The following FNDC7 variants were observed in gnomAD, a reference collection of about 807,000 sequenced individuals.
FNDC7 encodes the protein fibronectin type III domain-containing protein 7.
In FNDC7, 66 loss-of-function variants were observed where a neutral mutation model predicts 74.2. That is an observed-to-expected ratio of 0.89 (90% CI 0.73 to 1.09). FNDC7 has a LOEUF of 1.09. Among genes scored for constraint, FNDC7 ranks in the 50% least tolerant of loss-of-function variants. The pLI, the probability that FNDC7 is intolerant of heterozygous loss-of-function variation, is 0.00. For missense variants in FNDC7, 829 were observed against 893.4 expected, an observed-to-expected ratio of 0.93 and a Z score of 0.92; for synonymous variants, 307 against 330.2, an observed-to-expected ratio of 0.93 and a Z score of 0.76.
chr1:108,713,676 C>A, intron 2 of FNDC7, 147 bp downstream of exon 2: 1 of 656,026 alleles, frequency 1.5e-6, no homozygotes, highest in Non-Finnish European at 2.6e-6. Context: ...GCTAAGCACT[C>A]TATTGGGTCC....
At chr1:108,741,677 C>A in intron 11 of FNDC7, 96 bp from the exon 12 acceptor site, 4 of 1,264,546 alleles carry the variant, frequency 3.2e-6, no homozygotes, top group Admixed American at 1.9e-5. Context: ...CATTTCAAAT[C>A]AACATACACA....
At position 108,727,963 on chromosome 1, in the gene FNDC7, C is replaced by G. The variant is rs778483561; in HGVS notation, c.1267C>G (p.Leu423Val). The part of the protein sequence containing the change: ...ECNDTTPACT[L>V]SALECDTKYN... ...CAATGACACTACTCCTGCGTGCACC[C>G]TTTCGGCTCTAGAGTGTGACACCAA... is the stretch of plus-strand genomic sequence containing the variant. The change falls in exon 7 of 13, where the codon CTT (leucine) becomes GTT (valine). Residue 423 changes from leucine to valine, a missense_variant. Leu to Val is a conservative substitution (Grantham distance 32). Coordinates refer to ENST00000370017, the MANE Select transcript of FNDC7 (RefSeq NM_001144937.3). The G allele has an allele frequency of 7.4e-6, 12 of 1,614,068 alleles. No individual in the cohort carries two copies. The East Asian group carries it at 1.8e-4, about 24-fold the overall frequency.
At chr1:108,714,599 A>G (rs1451425843) in intron 2 of FNDC7, among the ~76,000 whole-genome samples, 1 of 131,036 alleles carries the variant, frequency 7.6e-6, no homozygotes, top group Non-Finnish European at 1.6e-5. Flanking sequence ...CCATATACAA[A>G]GTGGCATTTT....
chr1:108,724,408 A>G (rs962853751), intron 5 of FNDC7, among the ~76,000 whole-genome samples: 2 of 151,912 alleles, frequency 1.3e-5, no homozygotes, highest in Admixed American at 1.3e-4. Context: ...TGGAGGATGT[A>G]ATGGGCATAA....
intron 5 of FNDC7, among the ~76,000 whole-genome samples, chr1:108,725,088 A>T (rs1661179706): frequency 6.6e-6 from 1 of 151,944 alleles, no homozygotes; most frequent in Non-Finnish European, 1.5e-5. Flanking sequence ...CTCAAAAAAA[A>T]TAATAAATAA....
chr1:108,721,576 G>A (rs192511440), intron 4 of FNDC7, among the ~76,000 whole-genome samples: 5 of 152,286 alleles, frequency 3.3e-5, no homozygotes, highest in Middle Eastern at 3.4e-3. Context: ...CTGCTGCGTG[G>A]GCGTTATTAC....
intron 6 of FNDC7, 53 bp from the exon 7 acceptor site, chr1:108,727,755 C>T (rs966634787): frequency 1.9e-6 from 3 of 1,595,440 alleles, no homozygotes; most frequent in Admixed American, 3.4e-5. Context: ...AGTGTACCCC[C>T]AGCTGCATTG....
At chr1:108,731,000 C>T in intron 9 of FNDC7, 72 bp downstream of exon 9, 1 of 1,449,470 alleles carries the variant, frequency 6.9e-7, no homozygotes, top group African/African-American at 1.4e-5. Flanking sequence ...GCCTTTCCTC[C>T]TCATTTAAAA....
Position 108,733,257 on chromosome 1 carries a change from AT to A in FNDC7, c.1880-10del. 6.3e-7 allele frequency: 1 copy of A among 1,595,728 alleles called. No homozygotes were observed. Among genetic ancestry groups the A allele is most frequent in the Non-Finnish European group, 8.6e-7 (1 of 1,166,024 alleles). On this transcript the variant is annotated splice_polypyrimidine_tract_variant and intron_variant, in intron 9 of 12. Coordinates refer to ENST00000370017, the MANE Select transcript of FNDC7 (RefSeq NM_001144937.3). Reference sequence around the variant, plus strand: ...TAAAACAAGTGATTTTGTGTTTGTTATTTTTATTGCCTAGGTGCCTGCTGCC... The same window carrying A: ...TAAAACAAGTGATTTTGTGTTTGTTATTTTATTGCCTAGGTGCCTGCTGCC...
intron 7 of FNDC7, 74 bp from the exon 8 acceptor site, chr1:108,728,558 T>A: frequency 6.4e-7 from 1 of 1,574,494 alleles, no homozygotes; most frequent in South Asian, 1.2e-5. Context: ...GGGGGCAAAA[T>A]CAGTTTTAGA....
Position 108,718,788 on chromosome 1 carries a change from G to A in FNDC7, c.338-1G>A, listed in dbSNP as rs1395688791. ...AAATGCATGTGTTTTTATTTTTTTA[G>A]TGTTGGCTGCACCAATTCTAGAAGT... is the stretch of plus-strand genomic sequence containing the variant. On this transcript the variant is annotated splice_acceptor_variant, in intron 3 of 12. Transcript: ENST00000370017. LOFTEE classifies it high-confidence loss of function. The A allele has an allele frequency of 1.9e-6, 3 of 1,549,764 alleles. No homozygotes were observed. The highest frequency in any genetic ancestry group is 4.9e-5 in the East Asian group (2 of 40,878).
At chr1:108,720,344 C>T (rs577546770) in intron 4 of FNDC7, among the ~76,000 whole-genome samples, 18 of 152,318 alleles carry the variant, frequency 1.2e-4, no homozygotes, top group Admixed American at 1.1e-3. Context: ...GGTGAGTCAG[C>T]GTTTCCAGTT....
chr1:108,713,529 G>C lies in FNDC7; in HGVS notation c.82G>C (p.Ala28Pro), dbSNP rs777328510. ...CLKMVASAKS[A>P]PEIPTIDQAY... ...TTTTCAGGTTGCTTCAGCAAAATCAGGTACAATTTTCTGACCTGCAAGTTT... is the reference window on the plus strand; with the variant it reads ...TTTTCAGGTTGCTTCAGCAAAATCACGTACAATTTTCTGACCTGCAAGTTT... Residue 28 changes from alanine (A) to proline (P), a missense_variant and splice_region_variant, in exon 2 of 13, where the codon GCT (alanine) becomes CCT (proline). Ala to Pro is a conservative substitution (Grantham distance 27, BLOSUM62 -1). Coordinates refer to ENST00000370017, the MANE Select transcript of FNDC7 (RefSeq NM_001144937.3). 9.1e-5 allele frequency: 140 copies of C among 1,546,092 alleles called. No individual in the cohort carries two copies. Among genetic ancestry groups the C allele is most frequent in the Non-Finnish European group, 1.2e-4 (137 of 1,145,658 alleles).
At chr1:108,727,707 G>T (rs933828727) in intron 6 of FNDC7, 101 bp from the exon 7 acceptor site, 2 of 1,408,260 alleles carry the variant, frequency 1.4e-6, no homozygotes, top group Non-Finnish European at 9.8e-7. Context: ...ATCAGGGAGG[G>T]CAGTGGCAGA....
chr1:108,737,736 G>T (rs1661549078), intron 11 of FNDC7, among the ~76,000 whole-genome samples: 1 of 152,170 alleles, frequency 6.6e-6, no homozygotes, highest in Non-Finnish European at 1.5e-5. Context: ...GAATTCTGAA[G>T]TCTTTTTAGT....
chr1:108,738,152 C>G (rs537036396), intron 11 of FNDC7, among the ~76,000 whole-genome samples: 1 of 152,310 alleles, frequency 6.6e-6, no homozygotes, highest in Admixed American at 6.5e-5. Context: ...TCTGACCACA[C>G]ATGGAGTAGC....
chr1:108,736,574 C>A (rs953298570), intron 10 of FNDC7, among the ~76,000 whole-genome samples: 1 of 152,212 alleles, frequency 6.6e-6, no homozygotes, highest in African/African-American at 2.4e-5. Flanking sequence ...TTTGTTCTTT[C>A]TCCTGCTCCA....
At chr1:108,732,174 A>G (rs1459006805) in intron 9 of FNDC7, among the ~76,000 whole-genome samples, 10 of 152,220 alleles carry the variant, frequency 6.6e-5, no homozygotes, top group South Asian at 2.1e-4. Context: ...CCTGGATAAC[A>G]TGGTGAAACC....
At chr1:108,716,721 A>G (rs1462506098) in intron 2 of FNDC7, among the ~76,000 whole-genome samples, 1 of 151,922 alleles carries the variant, frequency 6.6e-6, no homozygotes, top group Non-Finnish European at 1.5e-5. Flanking sequence ...AGGGGAGCTG[A>G]TGCTGGAGAA....
Sources: allele counts gnomAD v4.1 joint callset (sites outside exome capture counted in the v4.1 genomes callset), GRCh38; gene constraint gnomAD v4.1.1; transcripts MANE v1.5; gene names NCBI Gene and HGNC (gene_info 2026-07-23, HGNC 2026-07-21).